The following CDHR2 variants were observed in gnomAD, a reference collection of about 807,000 sequenced individuals.
The protein encoded by CDHR2 is cadherin-related family member 2.
A neutral mutation model predicts 138.6 loss-of-function variants in CDHR2; 104 were observed. That is an observed-to-expected ratio of 0.75 (90% CI 0.64 to 0.88). The LOEUF (loss-of-function observed/expected upper bound fraction) is 0.88, where lower values mean the gene tolerates loss of function less well. Among genes scored for constraint, CDHR2 ranks in the 40% least tolerant of loss-of-function variants. CDHR2 has a pLI of 0.00. For synonymous variants in CDHR2, 755 were observed against 742.8 expected (o/e 1.02, Z -0.27); for missense variants, 1,624 against 1,727.6 (o/e 0.94, Z 1.06).
chr5:176,581,375 C>T lies in CDHR2; in HGVS notation c.1851C>T (p.Asn617=), dbSNP rs1337467076. 2.5e-6 allele frequency: 4 copies of T among 1,613,862 alleles called. No homozygotes were observed. The Admixed American group carries it at 6.7e-5, about 27-fold the overall frequency. ...ACAATGATGAGCCGGGCACCAACAA[C>T]AGCCGTCTGCTCTTCAACCTGCTGC... The part of the protein sequence containing the change: ...AHDNDEPGTN[N]SRLLFNLLPG... Residue 617 remains asparagine (N), a synonymous_variant, in exon 17 of 32, where the codon AAC becomes AAT. Coordinates refer to ENST00000261944, the MANE Select transcript of CDHR2 (RefSeq NM_017675.6).
rs1475414274 is a variant in CDHR2, at chr5:176,553,411, G to A, written c.-16+3997G>A. On this transcript the variant is annotated intron_variant, in intron 1 of 31. Transcript: ENST00000261944. This position sits in a 1 kb window ranked among gnomAD's most constrained non-coding sequence, Gnocchi z 4.3. ...CAGTTCCCATTTTCCTCTGGGACTG[G>A]GAGGAGGGACCCTGAGGGCAGGAAT... Among the ~76,000 whole-genome samples the A allele has an allele frequency of 2.0e-5, 3 of 152,196 alleles. No individual in the cohort carries two copies. Among genetic ancestry groups the A allele is most frequent in the African/African-American group, 7.2e-5 (3 of 41,434 alleles).
chr5:176,572,810 C>A (rs1168019509), intron 6 of CDHR2, among the ~76,000 whole-genome samples: 1 of 152,214 alleles, frequency 6.6e-6, no homozygotes, highest in Non-Finnish European at 1.5e-5. Context: ...GCCTCAGCAC[C>A]CGGCACTGTC....
chr5:176,580,528 C>CAAAAA (rs35346478), intron 16 of CDHR2, among the ~76,000 whole-genome samples: 2 of 87,432 alleles, frequency 2.3e-5, no homozygotes, highest in East Asian at 2.8e-4. Flanking sequence ...GACTCCACCT[C>CAAAAA]AAAAAAAAAA....
intron 24 of CDHR2, 131 bp downstream of exon 24, chr5:176,589,747 CCCTGTA>C (rs1758796495): frequency 1.3e-6 from 1 of 793,366 alleles, no homozygotes; most frequent in African/African-American, 1.7e-5. Flanking sequence ...CTGTCTTCAA[CCCTGTA>C]CTTTCACCTG....
At chr5:176,568,176 C>A (rs2113283277) in intron 3 of CDHR2, among the ~76,000 whole-genome samples, 1 of 152,296 alleles carries the variant, frequency 6.6e-6, no homozygotes, top group East Asian at 1.9e-4. Flanking sequence ...GTAAAAAGTT[C>A]CTTTCAGGCT....
At chr5:176,547,349 C>G (rs1757606696), upstream of CDHR2, 2 of 152,096 alleles carry the variant, frequency 1.3e-5, no homozygotes, top group Non-Finnish European at 2.9e-5. Flanking sequence ...GGGGGAAGCT[C>G]AGAACCTGAT....
Position 176,590,131 on chromosome 5 carries a change from TAG to T in CDHR2, c.3262_3263del (p.Asp1088PhefsTer26). 1.2e-6 allele frequency: 2 copies of T among 1,613,774 alleles called. No homozygotes were observed. Among genetic ancestry groups the T allele is most frequent in the Non-Finnish European group, 1.7e-6 (2 of 1,179,978 alleles). On this transcript the variant is annotated frameshift_variant, in exon 25 of 32. Coordinates refer to ENST00000261944, the MANE Select transcript of CDHR2 (RefSeq NM_017675.6). LOFTEE classifies it high-confidence loss of function. ...GTATACATTGTGGACATTCAGGACA[TAG>T]ATTCTGCAGCTCGGTGAGTGCCCAG...
Position 176,584,161 on chromosome 5 carries a change from C to T in CDHR2, c.2059-29C>T, listed in dbSNP as rs1400362972. 48 of 1,601,314 alleles carry T rather than the reference C, an allele frequency of 3.0e-5. 1 individual carries two copies. The highest frequency in any genetic ancestry group is 1.5e-4 in the South Asian group (14 of 90,730). On this transcript the variant is annotated intron_variant, in intron 17 of 31. Coordinates refer to ENST00000261944, the MANE Select transcript of CDHR2 (RefSeq NM_017675.6). ...CTCTGGGGAGGGTGAGATTGGATCC[C>T]GGGGACTCAGACCTGTCTCTGACTG...
At chr5:176,557,923 G>T (rs983387458) in intron 1 of CDHR2, among the ~76,000 whole-genome samples, 2 of 151,276 alleles carry the variant, frequency 1.3e-5, no homozygotes, top group African/African-American at 4.9e-5. Flanking sequence ...AGCCAGGCTG[G>T]TCTCAAACTC....
intron 1 of CDHR2, among the ~76,000 whole-genome samples, chr5:176,558,052 CA>C (rs1370484309): frequency 6.6e-6 from 1 of 152,026 alleles, no homozygotes; most frequent in Non-Finnish European, 1.5e-5. Context: ...TATTATCTTA[CA>C]GCCCATCACG....
Position 176,575,217 on chromosome 5 carries a change from G to T in CDHR2, c.621+8G>T. 6.2e-7 allele frequency: 1 copy of T among 1,614,168 alleles called. No individual in the cohort carries two copies. The highest frequency in any genetic ancestry group is 1.1e-5 in the South Asian group (1 of 91,088). On this transcript the variant is annotated splice_region_variant and intron_variant, in intron 8 of 31. Transcript: ENST00000261944. ...CTGGAGCTGAAGGCCTGTGTGAGTG[G>T]GGGTGCCGGCAGGCGGGCCTAGGAC...
At chr5:176,552,467 G>C (rs1437863375) in intron 1 of CDHR2, among the ~76,000 whole-genome samples, 8 of 152,336 alleles carry the variant, frequency 5.3e-5, no homozygotes, top group East Asian at 1.9e-4. Flanking sequence ...CAAGACCCAG[G>C]ACCTCCAAGG....
Position 176,584,843 on chromosome 5 carries a change from C to G in CDHR2, c.2562C>G (p.Ala854=), listed in dbSNP as rs375948149. ...TTGTGAACATTCTCTGCACCAAGGC[C>G]GGGGTCGATGTGGGCAGCCTATGCT... is the stretch of plus-strand genomic sequence containing the variant. ...IQLVNILCTK[A]GVDVGSLCWG... Residue 854 remains alanine (A), a synonymous_variant, in exon 19 of 32, where the codon GCC becomes GCG. Transcript: ENST00000261944. 1.9e-6 allele frequency: 3 copies of G among 1,614,102 alleles called. No individual in the cohort carries two copies. The highest frequency in any genetic ancestry group is 2.2e-5 in the South Asian group (2 of 91,074).
Position 176,570,848 on chromosome 5 carries a change from G to A in CDHR2, c.316-365G>A, listed in dbSNP as rs569682330. Reference sequence around the variant, plus strand: ...TGTCTGTAATCCCAGCTACTCAGGAGGCTGAGGCAGGAGAATTGCTTGAAC... The same window carrying A: ...TGTCTGTAATCCCAGCTACTCAGGAAGCTGAGGCAGGAGAATTGCTTGAAC... On this transcript the variant is annotated intron_variant, in intron 5 of 31. Transcript: ENST00000261944. 3.3e-5 allele frequency among the ~76,000 whole-genome samples: 5 copies of A among 151,924 alleles called. 1 individual carries two copies. In the South Asian group the frequency reaches 1.0e-3, roughly 32 times the overall value.
chr5:176,570,846 G>A (rs1166150619), intron 5 of CDHR2, among the ~76,000 whole-genome samples: 1 of 151,744 alleles, frequency 6.6e-6, no homozygotes, highest in Non-Finnish European at 1.5e-5. Flanking sequence ...AGCTACTCAG[G>A]AGGCTGAGGC....
At chr5:176,592,515 A>ATAG (rs1160255446) in intron 30 of CDHR2, among the ~76,000 whole-genome samples, 2 of 94,832 alleles carry the variant, frequency 2.1e-5, no homozygotes, top group East Asian at 3.6e-4. Flanking sequence ...GATTATGATG[A>ATAG]TAGTGGTGGT....
Position 176,590,303 on chromosome 5 carries a change from C to T in CDHR2, c.3326C>T (p.Ser1109Leu). 6.2e-7 allele frequency: 1 copy of T among 1,614,170 alleles called. No homozygotes were observed. The change falls in exon 26 of 32, where the codon TCA (serine) becomes TTA (leucine). Residue 1109 changes from serine (S) to leucine (L), a missense_variant. Physicochemically the swap from Ser to Leu is moderately radical, Grantham distance 145. This residue lies in a region of CDHR2 where 556 missense variants were observed against 565.7 expected (regional missense o/e 0.98). Coordinates refer to ENST00000261944, the MANE Select transcript of CDHR2 (RefSeq NM_017675.6). ...LDAYFVFPNG[S>L]ALTLDELSVM... ...GCCTACTTTGTCTTCCCCAATGGGTCAGCCCTGACCCTTGATGAGCTGAGT... is the reference window on the plus strand; with the variant it reads ...GCCTACTTTGTCTTCCCCAATGGGTTAGCCCTGACCCTTGATGAGCTGAGT...
At chr5:176,555,061 T>G (rs1269282179) in intron 1 of CDHR2, among the ~76,000 whole-genome samples, 3 of 152,244 alleles carry the variant, frequency 2.0e-5, no homozygotes, top group African/African-American at 7.2e-5. Context: ...GTTTAACGGT[T>G]GCCAAACATC....
chr5:176,557,429 C>T (rs1382225815), intron 1 of CDHR2, among the ~76,000 whole-genome samples: 1 of 152,186 alleles, frequency 6.6e-6, no homozygotes, highest in African/African-American at 2.4e-5. Flanking sequence ...TGGTCTCAAA[C>T]TCCTGAGCTC....
Sources: allele counts gnomAD v4.1 joint callset (sites outside exome capture counted in the v4.1 genomes callset), GRCh38; gene constraint gnomAD v4.1.1; regional missense constraint gnomAD v4.1.1; non-coding constraint Gnocchi (gnomAD v3.1); transcripts MANE v1.5; gene names NCBI Gene and HGNC (gene_info 2026-07-23, HGNC 2026-07-21).